AMZ1: variants seen among roughly 807,000 people sequenced by gnomAD.
The protein encoded by AMZ1 is archaemetzincin-1.
Under a neutral mutation model 29.9 loss-of-function variants are expected in AMZ1, and 39 were observed. The ratio of observed to expected loss-of-function variants is 1.30; its 90% CI spans 1.01 to 1.70. AMZ1 has a LOEUF of 1.70. Among genes scored for constraint, AMZ1 ranks in the 40% most tolerant of loss-of-function variants. The pLI is 0.00. For synonymous variants in AMZ1, 458 were observed against 304.0 expected, an observed-to-expected ratio of 1.51 and a Z score of -5.27; for missense variants, 1,041 against 680.6, an observed-to-expected ratio of 1.53 and a Z score of -5.89.
chr7:2,727,206 C>T (rs1266266290), intron 4 of AMZ1, among the ~76,000 whole-genome samples: 5 of 152,030 alleles, frequency 3.3e-5, no homozygotes, highest in Non-Finnish European at 5.9e-5. Context: ...CTCTGCTTTC[C>T]GAGTAGCTAG....
chr7:2,692,123 T>G (rs1787425977), intron 1 of AMZ1, among the ~76,000 whole-genome samples: 2 of 152,188 alleles, frequency 1.3e-5, no homozygotes, highest in African/African-American at 2.4e-5. Flanking sequence ...GTGAGTCTCC[T>G]GTGGCGTCGG....
At chr7:2,722,054 G>T (rs527560295), downstream of AMZ1, among the ~76,000 whole-genome samples, 43 of 152,152 alleles carry the variant, frequency 2.8e-4, no homozygotes, top group Non-Finnish European at 5.0e-4. Flanking sequence ...TGTATTTAAG[G>T]TCCTGAAAGG....
At chr7:2,729,530 C>T (rs1188339865) in intron 4 of AMZ1, 1 of 152,398 alleles carries the variant, frequency 6.6e-6, no homozygotes, top group Non-Finnish European at 1.5e-5. Context: ...CCGATGAGAA[C>T]GCTGTGCTAA....
At chr7:2,712,302 A>C in intron 6 of AMZ1, 28 bp from the exon 7 acceptor site, 3 of 1,528,858 alleles carry the variant, frequency 2.0e-6, no homozygotes, top group Non-Finnish European at 2.6e-6. Context: ...GGCACGGAGC[A>C]AACTCAGCCT....
At position 2,715,325 on chromosome 7, in the gene AMZ1, G is replaced by T. The variant is rs1225805561; in HGVS notation, c.*2447G>T. The T allele has an allele frequency of 6.6e-6, 1 of 152,376 alleles. No homozygotes were observed. The highest frequency in any genetic ancestry group is 1.5e-5 in the Non-Finnish European group (1 of 68,052). 9.4% of individuals were successfully genotyped at this position (152,376 alleles called of 1,614,324 possible). On this transcript the variant is annotated 3_prime_UTR_variant, in exon 7 of 7. Transcript: ENST00000683327. ...AGCCCCACTCGGCGTTCACTGTGGG[G>T]ATTTGGCTGGTGCACCTGCGAGGTG... is the stretch of plus-strand genomic sequence containing the variant.
rs1478461304 is a variant in AMZ1 at position 2,716,067 on chromosome 7, C to T, written c.*3189C>T. 1 of 152,222 alleles carries T rather than the reference C, an allele frequency of 6.6e-6. No homozygotes were observed. Among genetic ancestry groups the T allele is most frequent in the African/African-American group, 2.4e-5 (1 of 41,444 alleles). The allele number at this position is 152,222 out of a possible 1,614,324, so 9.4% of individuals were successfully genotyped here. ...TCTTGGTAAGCCAAGTCAGCGGGGC[C>T]TCATGGAGCTAAAAATAGTTTCAGG... On this transcript the variant is annotated 3_prime_UTR_variant, in exon 7 of 7. Transcript: ENST00000683327.
upstream of AMZ1, among the ~76,000 whole-genome samples, chr7:2,763,652 G>T (rs1040409003): frequency 2.0e-5 from 3 of 152,236 alleles, no homozygotes; most frequent in African/African-American, 7.2e-5. Flanking sequence ...ACTTCCCAAG[G>T]ACAAGCATCT....
intron 1 of AMZ1, among the ~76,000 whole-genome samples, chr7:2,696,029 A>AG (rs1554246501): frequency 1.2e-3 from 177 of 148,608 alleles, no homozygotes; most frequent in African/African-American, 4.3e-3. Flanking sequence ...AAAAAAAAAA[A>AG]GGAAATGGAC....
intron 6 of AMZ1, among the ~76,000 whole-genome samples, chr7:2,710,133 C>A (rs780835938): frequency 6.6e-6 from 1 of 152,220 alleles, no homozygotes; most frequent in Non-Finnish European, 1.5e-5. Context: ...GTGGCACGGT[C>A]TTCCCAGGGT....
Position 2,709,893 on chromosome 7 carries a change from C to T in AMZ1, c.948+77C>T. ...CCGCGAGCGCCGCCTGGAGGCTACG[C>T]AGGGCATGGGGACCGCACACAGGCT... On this transcript the variant is annotated intron_variant, in intron 6 of 6. Coordinates refer to ENST00000683327, the MANE Select transcript of AMZ1 (RefSeq NM_001384743.1). 1.9e-6 allele frequency: 3 copies of T among 1,563,344 alleles called. No homozygotes were observed. The South Asian group carries it at 3.5e-5, about 18-fold the overall frequency.
At chr7:2,729,172 C>T (rs1562387779) in intron 4 of AMZ1, 1 of 152,406 alleles carries the variant, frequency 6.6e-6, no homozygotes, top group African/African-American at 2.4e-5. Flanking sequence ...GGCGGAGGAC[C>T]CGCTTGCACT....
intron 5 of AMZ1, 109 bp from the exon 6 acceptor site, chr7:2,709,531 C>T (rs567816107): frequency 1.4e-6 from 2 of 1,468,188 alleles, no homozygotes; most frequent in Non-Finnish European, 1.8e-6. Flanking sequence ...ACCTCCCGGC[C>T]ATCTGGCCTC....
At chr7:2,700,181 A>C in intron 1 of AMZ1, 53 bp from the exon 2 acceptor site, 1 of 499,148 alleles carries the variant, frequency 2.0e-6, no homozygotes, top group Non-Finnish European at 3.6e-6. Flanking sequence ...TGCCTGGGAC[A>C]TCGGGCCCTG....
At position 2,694,842 on chromosome 7, in the gene AMZ1, T is replaced by C. The variant is rs550570534; in HGVS notation, c.-218-5392T>C. Among the ~76,000 whole-genome samples, 29 of 152,092 alleles carry C rather than the reference T, an allele frequency of 1.9e-4. No homozygotes were observed. In the South Asian group the frequency reaches 6.0e-3, roughly 32 times the overall value. The stretch of plus-strand genomic sequence containing the variant: ...CATGTGCCACCACGCCTGGCTAATT[T>C]TTGTACTTTTAGTAGAGACAGGGTT... On this transcript the variant is annotated intron_variant, in intron 1 of 6. Transcript: ENST00000683327.
intron 1 of AMZ1, among the ~76,000 whole-genome samples, chr7:2,688,603 G>A (rs778500600): frequency 1.3e-5 from 2 of 152,210 alleles, no homozygotes; most frequent in Non-Finnish European, 2.9e-5. Context: ...GGCGACCTGC[G>A]CGCTTCCCGA....
intron 1 of AMZ1, among the ~76,000 whole-genome samples, chr7:2,689,447 G>C (rs1216495622): frequency 6.6e-6 from 1 of 152,170 alleles, no homozygotes; most frequent in African/African-American, 2.4e-5. Flanking sequence ...AGAAGCGTCT[G>C]AGTTTACCCA....
chr7:2,725,109 T>G (rs1789565766), intron 4 of AMZ1, among the ~76,000 whole-genome samples: 2 of 152,204 alleles, frequency 1.3e-5, no homozygotes. Context: ...TCCTGCTGGG[T>G]TCTGCGAGCG....
At chr7:2,759,707 T>C (rs545653906), upstream of AMZ1, among the ~76,000 whole-genome samples, 2 of 152,222 alleles carry the variant, frequency 1.3e-5, no homozygotes, top group East Asian at 1.9e-4. Context: ...TCATACAGGA[T>C]AGGAGAGAGA....
chr7:2,747,331 T>G (rs1243513851), intron 4 of AMZ1, among the ~76,000 whole-genome samples: 2 of 151,692 alleles, frequency 1.3e-5, no homozygotes, highest in African/African-American at 4.9e-5. Flanking sequence ...CATGATCAAG[T>G]TGGGCTTCAT....
Sources: gnomAD v4.1 joint callset for allele counts (sites outside exome capture counted in the v4.1 genomes callset) on GRCh38, gnomAD v4.1.1 for gene constraint, MANE v1.5 for transcripts, NCBI Gene and HGNC (gene_info 2026-07-23, HGNC 2026-07-21) for gene names.